Variants in STX18 observed in about 807,000 individuals in gnomAD.
STX18 encodes syntaxin-18.
A neutral mutation model predicts 50.1 loss-of-function variants in STX18; 40 were observed. The observed-to-expected ratio is 0.80, with a 90% CI of 0.62 to 1.04. The LOEUF is 1.04. Among genes scored for constraint, STX18 ranks in the 50% least tolerant of loss-of-function variants. The probability of loss-of-function intolerance (pLI) is 0.00; values close to 1 mark genes in which losing one functional copy is unlikely to be tolerated. For synonymous variants in STX18, 158 were observed against 151.8 expected, an observed-to-expected ratio of 1.04 and a Z score of -0.30; for missense variants, 410 against 415.8, an observed-to-expected ratio of 0.99 and a Z score of 0.12.
intron 1 of STX18, among the ~76,000 whole-genome samples, chr4:4,536,567 C>T (rs995731150): frequency 6.6e-6 from 1 of 152,066 alleles, no homozygotes; most frequent in Non-Finnish European, 1.5e-5. Context: ...TAGAGGGATG[C>T]AAAGGTTCTA....
chr4:4,452,338 C>G (rs1726797265), intron 5 of STX18, among the ~76,000 whole-genome samples: 1 of 152,334 alleles, frequency 6.6e-6, no homozygotes, highest in East Asian at 1.9e-4. Context: ...GATAATTGAT[C>G]AAAGTGGCTA....
At chr4:4,507,158 T>A in intron 1 of STX18, 3 of 563,732 alleles carry the variant, frequency 5.3e-6, no homozygotes, top group Non-Finnish European at 6.9e-6. Context: ...AGCAACACAG[T>A]ACAAGACGGC....
chr4:4,503,953 G>A (rs973289458), intron 1 of STX18, among the ~76,000 whole-genome samples: 1 of 152,108 alleles, frequency 6.6e-6, no homozygotes, highest in Non-Finnish European at 1.5e-5. Context: ...AATTATAGAT[G>A]TCAGATTAAT....
intron 1 of STX18, among the ~76,000 whole-genome samples, chr4:4,484,074 G>A (rs1286797252): frequency 2.6e-5 from 4 of 152,124 alleles, no homozygotes; most frequent in Non-Finnish European, 4.4e-5. Context: ...ATGTTAGCCA[G>A]GATGGTCTTG....
intron 5 of STX18, among the ~76,000 whole-genome samples, chr4:4,455,267 T>G (rs762429845): frequency 1.3e-5 from 2 of 152,272 alleles, no homozygotes; most frequent in African/African-American, 2.4e-5. Flanking sequence ...AGCCTGCTTC[T>G]AAGCTCTCTA....
intron 6 of STX18, chr4:4,437,555 C>T: frequency 1.1e-6 from 1 of 948,784 alleles, no homozygotes; most frequent in South Asian, 4.9e-5. Flanking sequence ...TGGTCCCAAG[C>T]ATTTCAGATA....
chr4:4,420,354 T>C lies in STX18; in HGVS notation c.913-225A>G. ...CATTTGGGTCCTGCACAATTCTCCC[T>C]CAACACAACTCTCGGAATCACTCCC... On this transcript the variant is annotated intron_variant, in intron 10 of 10. Transcript: ENST00000306200. The surrounding 1 kb of genome is among the most constrained non-coding windows in gnomAD (Gnocchi z 4.3). 1 of 527,964 alleles carries C rather than the reference T, an allele frequency of 1.9e-6. No individual in the cohort carries two copies. The highest frequency in any genetic ancestry group is 2.3e-5 in the South Asian group (1 of 44,434). The allele number at this position is 527,964 out of a possible 1,614,324, so 32.7% of individuals were successfully genotyped here.
intron 3 of STX18, 97 bp from the exon 4 acceptor site, chr4:4,457,597 T>A: frequency 1.1e-6 from 1 of 889,574 alleles, no homozygotes; most frequent in Admixed American, 2.5e-5. Flanking sequence ...TTGAGAGTAT[T>A]TTTTAAAACA....
At chr4:4,434,628 A>G (rs1194666313) in intron 7 of STX18, 142 bp downstream of exon 7, 1 of 622,068 alleles carries the variant, frequency 1.6e-6, no homozygotes, top group Non-Finnish European at 2.7e-6. Flanking sequence ...CAAATGGGAA[A>G]GTGTATATAA....
At chr4:4,513,447 G>A (rs193073781) in intron 1 of STX18, among the ~76,000 whole-genome samples, 3 of 152,150 alleles carry the variant, frequency 2.0e-5, no homozygotes, top group African/African-American at 7.2e-5. Context: ...AGAAGGAAAG[G>A]AAAGTGTGGG....
upstream of STX18, chr4:4,542,330 G>A: frequency 5.2e-6 from 1 of 193,370 alleles, no homozygotes. Flanking sequence ...CCTTCTGGCG[G>A]CTCCCTCACT....
chr4:4,511,098 C>A (rs1273834592), intron 1 of STX18, among the ~76,000 whole-genome samples: 2 of 152,166 alleles, frequency 1.3e-5, no homozygotes, highest in Non-Finnish European at 2.9e-5. Flanking sequence ...GTACAGCAAA[C>A]CACCATGGCA....
At chr4:4,491,500 T>C (rs1728940681) in intron 1 of STX18, among the ~76,000 whole-genome samples, 1 of 152,144 alleles carries the variant, frequency 6.6e-6, no homozygotes, top group Non-Finnish European at 1.5e-5. Context: ...TTACACTACA[T>C]TTATTAAAAT....
chr4:4,498,788 A>G (rs75323383), intron 1 of STX18, among the ~76,000 whole-genome samples: 2,559 of 152,292 alleles, frequency 0.017, 66 homozygotes, highest in African/African-American at 0.049. Flanking sequence ...AGGTTTTTTT[A>G]TTTGATAAAA....
At chr4:4,471,783 T>A in intron 1 of STX18, 77 bp from the exon 2 acceptor site, 4 of 1,099,830 alleles carry the variant, frequency 3.6e-6, no homozygotes, top group Non-Finnish European at 5.1e-6. Flanking sequence ...TAATAGAGAA[T>A]AAAATGCAAA....
chr4:4,421,544 C>T (rs549355824), intron 9 of STX18, among the ~76,000 whole-genome samples: 164 of 152,292 alleles, frequency 1.1e-3, no homozygotes, highest in Non-Finnish European at 1.4e-3. Context: ...CATGAGCCAC[C>T]GCGCAGGGCT....
intron 1 of STX18, among the ~76,000 whole-genome samples, chr4:4,533,390 A>G (rs1340204730): frequency 2.6e-5 from 4 of 152,238 alleles, no homozygotes; most frequent in Non-Finnish European, 4.4e-5. Flanking sequence ...CAACAACCAC[A>G]TTATTCATAA....
intron 1 of STX18, chr4:4,507,619 TG>T (rs1167999742): frequency 1.3e-5 from 10 of 767,424 alleles, no homozygotes; most frequent in Non-Finnish European, 2.4e-5. Context: ...AGCGAAATTG[TG>T]GGCAAGAGAA....
At chr4:4,497,351 G>C (rs1262260128) in intron 1 of STX18, among the ~76,000 whole-genome samples, 1 of 152,178 alleles carries the variant, frequency 6.6e-6, no homozygotes, top group East Asian at 1.9e-4. Context: ...AAACCAGGGG[G>C]AGAAATGTAC....
Sources: allele counts gnomAD v4.1 joint callset (sites outside exome capture counted in the v4.1 genomes callset), GRCh38; gene constraint gnomAD v4.1.1; non-coding constraint Gnocchi (gnomAD v3.1); transcripts MANE v1.5; gene names NCBI Gene and HGNC (gene_info 2026-07-23, HGNC 2026-07-21).